The following CNTNAP2 variants were observed in gnomAD, a reference collection of about 807,000 sequenced individuals.
CNTNAP2 encodes the protein contactin-associated protein-like 2.
Under a neutral mutation model 155.2 loss-of-function variants are expected in CNTNAP2, and 98 were observed. The observed-to-expected ratio is 0.63, with a 90% CI of 0.54 to 0.75. The LOEUF (loss-of-function observed/expected upper bound fraction) is 0.75, where lower values mean the gene tolerates loss of function less well. Among genes scored for constraint, CNTNAP2 ranks in the 30% least tolerant of loss-of-function variants. CNTNAP2 has a pLI of 0.00. For missense variants in CNTNAP2, 1,727 were observed against 1,688.1 expected (o/e 1.02, Z -0.40); for synonymous variants, 651 against 631.2 (o/e 1.03, Z -0.47).
rs114651493 is a variant in CNTNAP2, at chr7:146,562,537, G to A, written c.98-211734G>A. Among the ~76,000 whole-genome samples the A allele has an allele frequency of 4.6e-3, 697 of 152,216 alleles. 4 individuals are homozygous for A. The highest frequency in any genetic ancestry group is 0.016 in the African/African-American group (651 of 41,554). ...ACATAATAAATGCTAAAATGTTGTA[G>A]CAATATTCTGGCTTTAAAGAAATAT... On this transcript the variant is annotated intron_variant, in intron 1 of 23. Transcript: ENST00000361727.
intron 13 of CNTNAP2, among the ~76,000 whole-genome samples, chr7:147,722,174 C>A (rs1001169345): frequency 3.3e-5 from 5 of 152,180 alleles, no homozygotes; most frequent in African/African-American, 1.2e-4. Context: ...GAAATACAGA[C>A]CAATCCCTTC....
At chr7:146,128,316 A>G (rs543126164) in intron 1 of CNTNAP2, among the ~76,000 whole-genome samples, 1 of 152,302 alleles carries the variant, frequency 6.6e-6, no homozygotes, top group East Asian at 1.9e-4. Flanking sequence ...GTGCTGTAAT[A>G]TTCAAAGTAT....
chr7:148,279,475 C>T (rs1024631063), intron 21 of CNTNAP2, among the ~76,000 whole-genome samples: 7 of 152,140 alleles, frequency 4.6e-5, no homozygotes, highest in Non-Finnish European at 1.0e-4. Context: ...GGTGGGGCTG[C>T]CTACTACAAT....
chr7:146,727,703 C>G lies in CNTNAP2; in HGVS notation c.98-46568C>G, dbSNP rs73740831. Among the ~76,000 whole-genome samples the G allele has an allele frequency of 9.8e-3, 1,491 of 152,250 alleles. 31 individuals carry two copies. Among genetic ancestry groups the G allele is most frequent in the African/African-American group, 0.034 (1,418 of 41,546 alleles). On this transcript the variant is annotated intron_variant, in intron 1 of 23. Coordinates refer to ENST00000361727, the MANE Select transcript of CNTNAP2 (RefSeq NM_014141.6). Reference sequence around the variant, plus strand: ...GTATTATGTAAGAACATTCTCAAATCTATAATAGCAAGCTCTACCCAGTAA... The same window carrying G: ...GTATTATGTAAGAACATTCTCAAATGTATAATAGCAAGCTCTACCCAGTAA...
chr7:146,519,063 G>T (rs1380110087), intron 1 of CNTNAP2, among the ~76,000 whole-genome samples: 2 of 151,866 alleles, frequency 1.3e-5, no homozygotes, highest in African/African-American at 4.8e-5. Context: ...GGATTCACAT[G>T]TCTGCATCTC....
chr7:148,333,863 T>G (rs1286650257), intron 21 of CNTNAP2, among the ~76,000 whole-genome samples: 2 of 151,680 alleles, frequency 1.3e-5, no homozygotes, highest in Non-Finnish European at 2.9e-5. Context: ...GTGTTGGATG[T>G]TCTACAAGTG....
chr7:146,562,498 A>C (rs1056012030), intron 1 of CNTNAP2, among the ~76,000 whole-genome samples: 1 of 152,180 alleles, frequency 6.6e-6, no homozygotes, highest in Non-Finnish European at 1.5e-5. Context: ...AACATGACGC[A>C]TTTTAAGGCA....
chr7:146,704,753 A>G (rs1438500934), intron 1 of CNTNAP2, among the ~76,000 whole-genome samples: 1 of 152,168 alleles, frequency 6.6e-6, no homozygotes, highest in African/African-American at 2.4e-5. Flanking sequence ...AAAACTGAAC[A>G]CGTGAAAAAA....
chr7:146,669,373 C>G (rs1800256730), intron 1 of CNTNAP2, among the ~76,000 whole-genome samples: 1 of 152,086 alleles, frequency 6.6e-6, no homozygotes, highest in Non-Finnish European at 1.5e-5. Flanking sequence ...TTTACCCACT[C>G]TTAGAATTTT....
intron 8 of CNTNAP2, among the ~76,000 whole-genome samples, chr7:147,276,230 T>C (rs1804893011): frequency 6.6e-6 from 1 of 152,094 alleles, no homozygotes; most frequent in East Asian, 1.9e-4. Context: ...CTTAATTTTT[T>C]TTTTTTGGAA....
rs1801233540 is a variant in CNTNAP2 at position 146,334,221 on chromosome 7, G to C, written c.97+217248G>C. ...CTGAGGAAAGCAGATTAGGAGGTCA[G>C]GAGATCGAGACCATCCTGGCTAACA... On this transcript the variant is annotated intron_variant, in intron 1 of 23. Coordinates refer to ENST00000361727, the MANE Select transcript of CNTNAP2 (RefSeq NM_014141.6). Among the ~76,000 whole-genome samples the C allele has an allele frequency of 2.0e-5, 3 of 152,166 alleles. No homozygotes were observed. In the South Asian group the frequency reaches 6.2e-4, roughly 32 times the overall value.
intron 21 of CNTNAP2, among the ~76,000 whole-genome samples, chr7:148,317,278 C>T (rs570843855): frequency 6.6e-6 from 1 of 152,218 alleles, no homozygotes; most frequent in African/African-American, 2.4e-5. Context: ...TTACTTGAAC[C>T]CAGGAGGCAG....
At chr7:147,202,999 A>G (rs1292667196) in intron 8 of CNTNAP2, among the ~76,000 whole-genome samples, 2 of 151,616 alleles carry the variant, frequency 1.3e-5, no homozygotes, top group African/African-American at 4.8e-5. Flanking sequence ...AAATCTGTCT[A>G]CCACAGGAAA....
chr7:146,969,295 G>T (rs1223454581), intron 3 of CNTNAP2, among the ~76,000 whole-genome samples: 1 of 152,030 alleles, frequency 6.6e-6, no homozygotes, highest in Admixed American at 6.6e-5. Context: ...CTGTTGATTT[G>T]GGGTGGAGAG....
At chr7:148,175,032 T>A (rs1794908141) in intron 18 of CNTNAP2, among the ~76,000 whole-genome samples, 2 of 152,180 alleles carry the variant, frequency 1.3e-5, no homozygotes, top group South Asian at 4.1e-4. Context: ...CCTGTGTTAG[T>A]TTGCTGAGAA....
rs550673101 is a variant in CNTNAP2, at chr7:146,340,623, A to G, written c.97+223650A>G. On this transcript the variant is annotated intron_variant, in intron 1 of 23. Coordinates refer to ENST00000361727, the MANE Select transcript of CNTNAP2 (RefSeq NM_014141.6). The stretch of plus-strand genomic sequence containing the variant: ...TGTATTTTTATTTGCTAAGCAGGCA[A>G]CCCTTCAAAAACTGGTCTAGGTTAA... Among the ~76,000 whole-genome samples the G allele has an allele frequency of 7.9e-5, 12 of 152,178 alleles. No homozygotes were observed. The South Asian group carries it at 2.5e-3, about 32-fold the overall frequency.
At chr7:147,061,023 G>A (rs148973034) in intron 4 of CNTNAP2, among the ~76,000 whole-genome samples, 3 of 151,674 alleles carry the variant, frequency 2.0e-5, no homozygotes, top group East Asian at 1.9e-4. Flanking sequence ...TACTATAATC[G>A]CTGAAAGACA....
At chr7:146,555,620 C>T (rs1332352535) in intron 1 of CNTNAP2, among the ~76,000 whole-genome samples, 2 of 152,064 alleles carry the variant, frequency 1.3e-5, no homozygotes, top group African/African-American at 2.4e-5. Flanking sequence ...GAGAGGTACA[C>T]TTATATATGT....
chr7:147,464,336 G>T (rs776801070), intron 10 of CNTNAP2, among the ~76,000 whole-genome samples: 1 of 151,926 alleles, frequency 6.6e-6, no homozygotes, highest in Non-Finnish European at 1.5e-5. Flanking sequence ...GCCTGGTGAC[G>T]CATGCCTGTA....
Sources: allele counts gnomAD v4.1 joint callset (sites outside exome capture counted in the v4.1 genomes callset), GRCh38; gene constraint gnomAD v4.1.1; transcripts MANE v1.5; gene names NCBI Gene and HGNC (gene_info 2026-07-23, HGNC 2026-07-21).